Variants in GPC6 observed in about 807,000 individuals in gnomAD.
GPC6 encodes glypican-6.
A neutral mutation model predicts 55.2 loss-of-function variants in GPC6; 14 were observed. The ratio of observed to expected loss-of-function variants is 0.25; its 90% CI spans 0.17 to 0.40. The LOEUF (loss-of-function observed/expected upper bound fraction) is 0.40. GPC6 is among the 10% of genes least tolerant of loss of function. GPC6 has a pLI of 1.00. For synonymous variants in GPC6, 278 were observed against 259.6 expected, an observed-to-expected ratio of 1.07 and a Z score of -0.68; for missense variants, 641 against 708.5, an observed-to-expected ratio of 0.90 and a Z score of 1.08.
intron 4 of GPC6, among the ~76,000 whole-genome samples, chr13:94,102,532 C>T (rs1391370737): frequency 6.6e-6 from 1 of 151,208 alleles, no homozygotes; most frequent in East Asian, 1.9e-4. Context: ...CATCCTGGAC[C>T]TAGCTAAAAA....
intron 3 of GPC6, among the ~76,000 whole-genome samples, chr13:93,843,305 C>G (rs1888027252): frequency 6.6e-6 from 1 of 152,112 alleles, no homozygotes; most frequent in Non-Finnish European, 1.5e-5. Context: ...TTCCAAGGTA[C>G]ATGGGAGCTC....
intron 2 of GPC6, among the ~76,000 whole-genome samples, chr13:93,738,209 T>A (rs1437255688): frequency 1.3e-5 from 2 of 152,166 alleles, no homozygotes; most frequent in Non-Finnish European, 2.9e-5. Flanking sequence ...ATGGAATGTC[T>A]GAGTGGATAT....
chr13:93,485,847 A>G (rs1381407202), intron 1 of GPC6, among the ~76,000 whole-genome samples: 1 of 152,172 alleles, frequency 6.6e-6, no homozygotes, highest in South Asian at 2.1e-4. Context: ...ATGATGGGGT[A>G]TATGATTCTG....
chr13:93,302,822 G>A (rs1594083754), intron 1 of GPC6, among the ~76,000 whole-genome samples: 1 of 152,184 alleles, frequency 6.6e-6, no homozygotes, highest in African/African-American at 2.4e-5. Context: ...GTTAGGCTTT[G>A]CCATCCCATA....
At chr13:93,348,660 G>A (rs1354148740) in intron 1 of GPC6, among the ~76,000 whole-genome samples, 1 of 152,140 alleles carries the variant, frequency 6.6e-6, no homozygotes, top group Non-Finnish European at 1.5e-5. Context: ...TCTGATCAAA[G>A]CAGTTTGGAA....
In GPC6 at chr13:93,245,324, A is replaced by G. The variant is rs1876562668; in HGVS notation, c.160+17708A>G. Among the ~76,000 whole-genome samples the G allele has an allele frequency of 2.0e-5, 3 of 152,194 alleles. No homozygotes were observed. The South Asian group carries it at 6.2e-4, about 31-fold the overall frequency. The stretch of plus-strand genomic sequence containing the variant: ...TGATTTAATTGATTTGGGAAAGGGC[A>G]CAGTCCTTCCTTCTTCTATTCTTCT... On this transcript the variant is annotated intron_variant, in intron 1 of 8. Transcript: ENST00000377047.
chr13:93,673,395 TC>T (rs1881450969), intron 2 of GPC6, among the ~76,000 whole-genome samples: 1 of 152,140 alleles, frequency 6.6e-6, no homozygotes, highest in South Asian at 2.1e-4. Context: ...AACATGTAAT[TC>T]CAACATTTTG....
chr13:93,480,883 T>G (rs372443955), intron 1 of GPC6, among the ~76,000 whole-genome samples: 1 of 152,222 alleles, frequency 6.6e-6, no homozygotes, highest in Admixed American at 6.5e-5. Flanking sequence ...TCTTTGCATA[T>G]TATGACTAAT....
intron 2 of GPC6, among the ~76,000 whole-genome samples, chr13:93,766,538 T>G (rs560940417): frequency 1.3e-5 from 2 of 152,184 alleles, no homozygotes; most frequent in Admixed American, 1.3e-4. Flanking sequence ...GAAAATAATA[T>G]ACTGCCAATG....
chr13:94,362,627 G>C (rs974068653), intron 6 of GPC6, among the ~76,000 whole-genome samples: 94 of 152,098 alleles, frequency 6.2e-4, no homozygotes, highest in African/African-American at 2.2e-3. Context: ...TGGAGACGAG[G>C]CTGGACCATC....
chr13:93,273,227 A>G (rs1017657454), intron 1 of GPC6, among the ~76,000 whole-genome samples: 1 of 152,194 alleles, frequency 6.6e-6, no homozygotes, highest in Non-Finnish European at 1.5e-5. Context: ...TATCTAAATC[A>G]TATCTAGGTA....
intron 1 of GPC6, among the ~76,000 whole-genome samples, chr13:93,430,368 G>C (rs1356799445): frequency 2.0e-5 from 3 of 152,066 alleles, no homozygotes; most frequent in Non-Finnish European, 4.4e-5. Flanking sequence ...AGTGCAAATT[G>C]AGAGAATAGA....
At chr13:93,373,871 T>C (rs1874777810) in intron 1 of GPC6, among the ~76,000 whole-genome samples, 1 of 152,174 alleles carries the variant, frequency 6.6e-6, no homozygotes, top group South Asian at 2.1e-4. Context: ...TATAACTCAG[T>C]AACAAGGAAA....
At chr13:93,406,022 T>C (rs1876278682) in intron 1 of GPC6, among the ~76,000 whole-genome samples, 1 of 135,560 alleles carries the variant, frequency 7.4e-6, no homozygotes, top group South Asian at 2.4e-4. Context: ...GGTGAAGACA[T>C]AAGCCACAAG....
At chr13:94,058,377 C>T (rs1594702122) in intron 4 of GPC6, among the ~76,000 whole-genome samples, 1 of 152,132 alleles carries the variant, frequency 6.6e-6, no homozygotes, top group Non-Finnish European at 1.5e-5. Context: ...AAGGATTATT[C>T]GTGCATTCAT....
At chr13:93,820,681 T>A (rs1887014914) in intron 2 of GPC6, among the ~76,000 whole-genome samples, 1 of 151,872 alleles carries the variant, frequency 6.6e-6, no homozygotes, top group Non-Finnish European at 1.5e-5. Context: ...GTTTTTTTTT[T>A]TTATTCTTCT....
chr13:94,058,200 T>C (rs1333745615), intron 4 of GPC6, among the ~76,000 whole-genome samples: 2 of 152,194 alleles, frequency 1.3e-5, no homozygotes, highest in Non-Finnish European at 2.9e-5. Flanking sequence ...TCAATTGTTA[T>C]ATATATTTAT....
intron 2 of GPC6, among the ~76,000 whole-genome samples, chr13:93,566,446 C>A (rs6492667): frequency 0.57 from 85,818 of 151,554 alleles, 26,292 homozygotes; most frequent in Non-Finnish European, 0.69. Context: ...TCAGCATGTT[C>A]AGGGAATCCC....
Position 94,406,335 on chromosome 13 carries a change from A to G in GPC6, c.*3118A>G, listed in dbSNP as rs1244841063. ...AGAAGAATGAATTACAAATTTACCA[A>G]TAAGAGCTCTGTTTATGGTTCTGTA... On this transcript the variant is annotated 3_prime_UTR_variant, in exon 9 of 9. Transcript: ENST00000377047. 1 of 152,148 alleles carries G rather than the reference A, an allele frequency of 6.6e-6. No individual in the cohort carries two copies. The highest frequency in any genetic ancestry group is 1.5e-5 in the Non-Finnish European group (1 of 67,978). 9.4% of individuals were successfully genotyped at this position (152,148 alleles called of 1,614,324 possible). A position where few individuals can be genotyped will look rare whatever the true frequency, so the allele number is the denominator to read the frequency against.
Sources: gnomAD v4.1 joint callset for allele counts (sites outside exome capture counted in the v4.1 genomes callset) on GRCh38, gnomAD v4.1.1 for gene constraint, MANE v1.5 for transcripts, NCBI Gene and HGNC (gene_info 2026-07-23, HGNC 2026-07-21) for gene names.